Variants in ZSWIM6 observed in about 807,000 individuals in gnomAD.
ZSWIM6 encodes the protein zinc finger SWIM-type containing 6.
In ZSWIM6, 9 loss-of-function variants were observed where a neutral mutation model predicts 113.2. The ratio of observed to expected loss-of-function variants is 0.08; its 90% confidence interval spans 0.05 to 0.14. ZSWIM6 has a LOEUF of 0.14. Ranked by LOEUF, ZSWIM6 falls within the 10% of genes least tolerant of loss-of-function variation. The pLI, the probability that ZSWIM6 is intolerant of heterozygous loss-of-function variation, is 1.00. For missense variants in ZSWIM6, 1,162 were observed against 1,552.2 expected (o/e 0.75, Z 4.22); for synonymous variants, 611 against 606.5 (o/e 1.01, Z -0.11).
intron 4 of ZSWIM6, among the ~76,000 whole-genome samples, chr5:61,496,210 A>G (rs1371732168): frequency 6.6e-6 from 1 of 152,120 alleles, no homozygotes; most frequent in Non-Finnish European, 1.5e-5. Context: ...CTTTGATTTC[A>G]GTCCAGCGTA....
chr5:61,347,808 A>G (rs1744691969), intron 1 of ZSWIM6: 1 of 152,184 alleles, frequency 6.6e-6, no homozygotes, highest in Non-Finnish European at 1.5e-5. Flanking sequence ...GAAAACGTCC[A>G]CTTTTCGACA....
At chr5:61,433,919 A>G (rs1214915755) in intron 1 of ZSWIM6, among the ~76,000 whole-genome samples, 1 of 150,920 alleles carries the variant, frequency 6.6e-6, no homozygotes, top group Non-Finnish European at 1.5e-5. Context: ...AGAAGGAACA[A>G]TTAATTGATG....
intron 1 of ZSWIM6, among the ~76,000 whole-genome samples, chr5:61,462,912 C>T (rs1257685874): frequency 6.6e-6 from 1 of 152,172 alleles, no homozygotes; most frequent in Non-Finnish European, 1.5e-5. Context: ...CCAGTCCTAC[C>T]CCACCTTGTG....
At chr5:61,541,408 A>G (rs886379229) in intron 12 of ZSWIM6, among the ~76,000 whole-genome samples, 1 of 152,224 alleles carries the variant, frequency 6.6e-6, no homozygotes, top group African/African-American at 2.4e-5. Flanking sequence ...GGTCACCAGA[A>G]AAGAGCAATC....
At chr5:61,360,366 C>G (rs536716918) in intron 1 of ZSWIM6, among the ~76,000 whole-genome samples, 1 of 152,136 alleles carries the variant, frequency 6.6e-6, no homozygotes, top group Non-Finnish European at 1.5e-5. Flanking sequence ...CCTTGTAATG[C>G]GGAGAAGAAT....
intron 1 of ZSWIM6, among the ~76,000 whole-genome samples, chr5:61,397,283 T>C (rs1391478888): frequency 6.6e-6 from 1 of 152,268 alleles, no homozygotes; most frequent in Admixed American, 6.5e-5. Flanking sequence ...TTTTATGTAA[T>C]CAAAATGAGT....
chr5:61,451,668 T>G (rs981532457), intron 1 of ZSWIM6, among the ~76,000 whole-genome samples: 3 of 152,222 alleles, frequency 2.0e-5, no homozygotes, highest in Non-Finnish European at 4.4e-5. Context: ...AGAAGGCAGA[T>G]TTCTCATTAG....
intron 1 of ZSWIM6, among the ~76,000 whole-genome samples, chr5:61,440,434 T>G (rs1746802500): frequency 6.9e-6 from 1 of 145,188 alleles, no homozygotes; most frequent in African/African-American, 2.6e-5. Context: ...AGTAGGAGAG[T>G]AGATTAAAAG....
chr5:61,512,223 T>C (rs1203232142), intron 4 of ZSWIM6, among the ~76,000 whole-genome samples: 1 of 152,124 alleles, frequency 6.6e-6, no homozygotes, highest in African/African-American at 2.4e-5. Context: ...AGCTTGTGTG[T>C]GTATACCCTT....
chr5:61,364,855 C>T (rs1169099206), intron 1 of ZSWIM6, among the ~76,000 whole-genome samples: 1 of 152,184 alleles, frequency 6.6e-6, no homozygotes, highest in African/African-American at 2.4e-5. Flanking sequence ...AACACCATCA[C>T]ATTGGTAAAT....
chr5:61,368,283 A>G (rs1255309042), intron 1 of ZSWIM6, among the ~76,000 whole-genome samples: 1 of 152,238 alleles, frequency 6.6e-6, no homozygotes, highest in Non-Finnish European at 1.5e-5. Flanking sequence ...TTCATAGTAG[A>G]TAAACCAATA....
intron 1 of ZSWIM6, among the ~76,000 whole-genome samples, chr5:61,341,252 C>T (rs1744538786): frequency 6.6e-6 from 1 of 152,142 alleles, no homozygotes; most frequent in Non-Finnish European, 1.5e-5. Flanking sequence ...GGGTGCATCC[C>T]ATCCAGGGTG....
intron 1 of ZSWIM6, among the ~76,000 whole-genome samples, chr5:61,425,735 T>C (rs1484341876): frequency 6.6e-6 from 1 of 152,068 alleles, no homozygotes; most frequent in Admixed American, 6.6e-5. Flanking sequence ...AGGCCATTGG[T>C]AAAGGACATT....
chr5:61,518,615 T>C (rs1192217705), intron 4 of ZSWIM6, among the ~76,000 whole-genome samples: 3 of 152,218 alleles, frequency 2.0e-5, no homozygotes, highest in Non-Finnish European at 2.9e-5. Context: ...TCATGTCCTT[T>C]GCCCACTTTT....
chr5:61,335,489 A>C (rs1299257802), intron 1 of ZSWIM6, among the ~76,000 whole-genome samples: 1 of 152,198 alleles, frequency 6.6e-6, no homozygotes, highest in Non-Finnish European at 1.5e-5. Context: ...TAGATTAACC[A>C]TTTAATTTAG....
At chr5:61,419,395 C>T (rs1235136498) in intron 1 of ZSWIM6, among the ~76,000 whole-genome samples, 1 of 152,174 alleles carries the variant, frequency 6.6e-6, no homozygotes, top group Non-Finnish European at 1.5e-5. Context: ...CAGTGCTGTG[C>T]TCTGGGCTCA....
intron 13 of ZSWIM6, 92 bp downstream of exon 13, chr5:61,542,057 ATGT>A: frequency 1.7e-6 from 2 of 1,176,972 alleles, no homozygotes; most frequent in Non-Finnish European, 2.4e-6. Flanking sequence ...TCACTCTTTT[ATGT>A]TGACTTCTCC....
intron 1 of ZSWIM6, among the ~76,000 whole-genome samples, chr5:61,413,286 A>G (rs1168754239): frequency 1.3e-5 from 2 of 149,122 alleles, no homozygotes; most frequent in Admixed American, 1.4e-4. Context: ...GGTTTTTTGC[A>G]CTTGCAATAG....
intron 1 of ZSWIM6, among the ~76,000 whole-genome samples, chr5:61,360,734 A>G (rs1025079646): frequency 1.1e-4 from 17 of 152,136 alleles, no homozygotes; most frequent in Non-Finnish European, 2.4e-4. Flanking sequence ...CAAGGTCACC[A>G]CTGATTTTTA....
Sources: gnomAD v4.1 joint callset for allele counts (sites outside exome capture counted in the v4.1 genomes callset) on GRCh38, gnomAD v4.1.1 for gene constraint, MANE v1.5 for transcripts, NCBI Gene and HGNC (gene_info 2026-07-23, HGNC 2026-07-21) for gene names.